Variants in HECW2 observed in about 807,000 individuals in gnomAD.
HECW2 encodes E3 ubiquitin-protein ligase HECW2.
Under a neutral mutation model 175.2 loss-of-function variants are expected in HECW2, and 61 were observed. That is an observed-to-expected ratio of 0.35 (90% CI 0.28 to 0.43). The LOEUF is 0.43. HECW2 is among the 20% of genes least tolerant of loss of function. The pLI, the probability that HECW2 is intolerant of heterozygous loss-of-function variation, is 1.00. For missense variants in HECW2, 1,524 were observed against 2,000.5 expected (o/e 0.76, Z 4.54); for synonymous variants, 671 against 731.0 (o/e 0.92, Z 1.32).
At chr2:196,445,812 C>T (rs774790530) in intron 1 of HECW2, among the ~76,000 whole-genome samples, 2 of 152,148 alleles carry the variant, frequency 1.3e-5, no homozygotes, top group African/African-American at 2.4e-5. Flanking sequence ...AAAAATATGG[C>T]GTGCATTCTA....
chr2:196,238,208 A>G (rs1481609757), intron 21 of HECW2, among the ~76,000 whole-genome samples: 1 of 152,188 alleles, frequency 6.6e-6, no homozygotes, highest in Non-Finnish European at 1.5e-5. Flanking sequence ...CAGCCTGGGC[A>G]GCAGAGTTAG....
At chr2:196,323,842 T>C (rs991143628) in intron 6 of HECW2, among the ~76,000 whole-genome samples, 11 of 152,066 alleles carry the variant, frequency 7.2e-5, no homozygotes, top group Admixed American at 6.5e-4. Context: ...TATTGAGATA[T>C]ATTTTTATTT....
intron 13 of HECW2, among the ~76,000 whole-genome samples, chr2:196,303,931 C>T (rs768615291): frequency 2.6e-5 from 4 of 152,102 alleles, no homozygotes; most frequent in East Asian, 1.9e-4. Flanking sequence ...CATTTGTCAC[C>T]GTCTCTACTG....
At chr2:196,508,962 G>A (rs1472558573) in intron 1 of HECW2, among the ~76,000 whole-genome samples, 3 of 152,176 alleles carry the variant, frequency 2.0e-5, no homozygotes, top group East Asian at 1.9e-4. Context: ...CAGCTACTCA[G>A]GAGGCTGAGG....
rs1686727169 is a variant in HECW2, at chr2:196,197,405, T to C, written c.*3872A>G. 6.6e-6 allele frequency: 1 copy of C among 151,646 alleles called. No homozygotes were observed. Among genetic ancestry groups the C allele is most frequent in the Admixed American group, 6.6e-5 (1 of 15,170 alleles). The allele number at this position is 151,646 out of a possible 1,614,324, so 9.4% of individuals were successfully genotyped here. On this transcript the variant is annotated 3_prime_UTR_variant, in exon 29 of 29. Coordinates refer to ENST00000644978, the MANE Select transcript of HECW2 (RefSeq NM_001348768.2). ...ATAAAATAAGGCTTCTGATTAATGT[T>C]TTCCATTATCTTGTTTCCAAATAAT... is the stretch of plus-strand genomic sequence containing the variant.
intron 3 of HECW2, among the ~76,000 whole-genome samples, chr2:196,342,128 G>A (rs1692773711): frequency 6.6e-6 from 1 of 151,976 alleles, no homozygotes; most frequent in Non-Finnish European, 1.5e-5. Context: ...AAAATGGCCA[G>A]GCACAGGGGC....
chr2:196,519,084 G>A (rs1173784571), intron 1 of HECW2, among the ~76,000 whole-genome samples: 1 of 152,176 alleles, frequency 6.6e-6, no homozygotes, highest in Non-Finnish European at 1.5e-5. Context: ...ATATGTGTAA[G>A]TGCTTTACAT....
At chr2:196,361,196 A>G (rs1693575403) in intron 2 of HECW2, among the ~76,000 whole-genome samples, 1 of 152,168 alleles carries the variant, frequency 6.6e-6, no homozygotes. Context: ...CAAATTTTAG[A>G]GGTCTATAGA....
At chr2:196,382,976 G>GCT (rs1272265937) in intron 2 of HECW2, among the ~76,000 whole-genome samples, 16 of 152,166 alleles carry the variant, frequency 1.1e-4, no homozygotes, top group African/African-American at 2.9e-4. Flanking sequence ...AAGACAGGTG[G>GCT]CTCTGGTGGC....
chr2:196,376,501 C>T (rs1694055496), intron 2 of HECW2, among the ~76,000 whole-genome samples: 1 of 151,782 alleles, frequency 6.6e-6, no homozygotes, highest in Non-Finnish European at 1.5e-5. Flanking sequence ...CAGTGGTGCG[C>T]ACCTGTAATC....
rs1298604966 is a variant in HECW2 at position 196,201,246 on chromosome 2, T to C, written c.*31A>G. 3.6e-6 allele frequency: 5 copies of C among 1,396,276 alleles called. No individual in the cohort carries two copies. The Admixed American group carries it at 8.4e-5, about 23-fold the overall frequency. The allele number at this position is 1,396,276 out of a possible 1,614,324, so 86.5% of individuals were successfully genotyped here. ...CTAGAAGGCAGCTTCTGAACCTGCC[T>C]GTCCACAGAGATGGGCATTCAGCTT... On this transcript the variant is annotated 3_prime_UTR_variant, in exon 29 of 29. Transcript: ENST00000644978.
chr2:196,215,953 G>A lies in HECW2; in HGVS notation c.4519C>T (p.Pro1507Ser). Residue 1507 changes from proline to serine, a missense_variant, in exon 28 of 29, where the codon CCC becomes TCC. Pro to Ser is a moderately conservative substitution (Grantham distance 74). Coordinates refer to ENST00000644978, the MANE Select transcript of HECW2 (RefSeq NM_001348768.2). The part of the protein sequence containing the change: ...LQFVTGTSSI[P>S]YEGFASLRGS... ...CGGAGTGAAGCAAATCCTTCATAGG[G>A]AATGCTGGATGTGCCTGTAACAAAC... 6.2e-7 allele frequency: 1 copy of A among 1,613,518 alleles called. No homozygotes were observed. The highest frequency in any genetic ancestry group is 8.5e-7 in the Non-Finnish European group (1 of 1,179,516).
intron 26 of HECW2, chr2:196,218,404 A>T (rs2105809641): frequency 6.6e-6 from 1 of 152,286 alleles, no homozygotes; most frequent in South Asian, 2.1e-4. Flanking sequence ...CAAAGATTTC[A>T]TTTGATAAGA....
chr2:196,325,167 G>C lies in HECW2; in HGVS notation c.572-18C>G. 6.4e-7 allele frequency: 1 copy of C among 1,557,186 alleles called. No individual in the cohort carries two copies. The highest frequency in any genetic ancestry group is 2.3e-5 in the East Asian group (1 of 43,532). Reference sequence around the variant, plus strand: ...CCTAAGATCTTTAAAGAAAGAGGGAGAAGGAGGGAGGGACAAAGAGAAAGC... The same window carrying C: ...CCTAAGATCTTTAAAGAAAGAGGGACAAGGAGGGAGGGACAAAGAGAAAGC... On this transcript the variant is annotated intron_variant, in intron 5 of 28. Transcript: ENST00000644978.
intron 1 of HECW2, among the ~76,000 whole-genome samples, chr2:196,540,257 T>TA (rs1689166083): frequency 6.6e-6 from 1 of 152,198 alleles, no homozygotes; most frequent in Non-Finnish European, 1.5e-5. Flanking sequence ...TCATGAATGT[T>TA]ACTCCTTTAA....
At chr2:196,284,314 A>G (rs748061680) in intron 14 of HECW2, among the ~76,000 whole-genome samples, 1 of 152,216 alleles carries the variant, frequency 6.6e-6, no homozygotes, top group Non-Finnish European at 1.5e-5. Context: ...TTTGTATCCC[A>G]CAAGGGGCTC....
chr2:196,237,964 T>C (rs900294865), intron 21 of HECW2, among the ~76,000 whole-genome samples: 16 of 152,240 alleles, frequency 1.1e-4, no homozygotes, highest in African/African-American at 3.6e-4. Flanking sequence ...GCCAGATACA[T>C]GTGTTTTTAA....
At chr2:196,587,553 A>G (rs1243799116) in intron 1 of HECW2, among the ~76,000 whole-genome samples, 1 of 152,234 alleles carries the variant, frequency 6.6e-6, no homozygotes, top group Non-Finnish European at 1.5e-5. Context: ...CACTATTTTT[A>G]CACTTCAATG....
At chr2:196,494,209 G>A (rs1210499145) in intron 1 of HECW2, among the ~76,000 whole-genome samples, 1 of 152,172 alleles carries the variant, frequency 6.6e-6, no homozygotes, top group African/African-American at 2.4e-5. Context: ...AGCTGAAGCT[G>A]GACAGAGAGT....
Sources: gnomAD v4.1 joint callset for allele counts (sites outside exome capture counted in the v4.1 genomes callset) on GRCh38, gnomAD v4.1.1 for gene constraint, MANE v1.5 for transcripts, NCBI Gene and HGNC (gene_info 2026-07-23, HGNC 2026-07-21) for gene names.